Variants in SI observed in about 807,000 individuals in gnomAD.
SI encodes sucrase-isomaltase, intestinal.
In SI, 235 loss-of-function variants were observed where a neutral mutation model predicts 253.3. The ratio of observed to expected loss-of-function variants is 0.93; its 90% confidence interval spans 0.83 to 1.03. The LOEUF (loss-of-function observed/expected upper bound fraction) is 1.03, where lower values mean the gene tolerates loss of function less well. Ranked by LOEUF, SI falls within the 50% of genes least tolerant of loss-of-function variation. SI has a pLI of 0.00. For synonymous variants in SI, 819 were observed against 712.0 expected (o/e 1.15, Z -2.39); for missense variants, 2,442 against 2,211.1 (o/e 1.10, Z -2.09).
chr3:165,056,537 A>G lies in SI; in HGVS notation c.1399-1230T>C, dbSNP rs1373083201. On this transcript the variant is annotated intron_variant, in intron 12 of 47. Coordinates refer to ENST00000264382, the MANE Select transcript of SI (RefSeq NM_001041.4). Reference sequence around the variant, plus strand: ...TAGGAAAGAGAGTCTTGGATTGCATACACCACCCCTCTCACATTCCCCAAC... The same window carrying G: ...TAGGAAAGAGAGTCTTGGATTGCATGCACCACCCCTCTCACATTCCCCAAC... Among the ~76,000 whole-genome samples the G allele has an allele frequency of 2.0e-5, 3 of 152,130 alleles. No individual in the cohort carries two copies. In the East Asian group the frequency reaches 5.8e-4, roughly 29 times the overall value.
At chr3:164,987,706 A>AG (rs926141383) in intron 44 of SI, among the ~76,000 whole-genome samples, 3 of 136,724 alleles carry the variant, frequency 2.2e-5, no homozygotes, top group African/African-American at 1.1e-4. Context: ...AGACTCCATC[A>AG]AAAAAAAAAT....
At position 165,037,968 on chromosome 3, in the gene SI, T is replaced by C. The variant is rs1259810543; in HGVS notation, c.2358A>G (p.Lys786=). The change falls in exon 21 of 48, where the codon AAA becomes AAG. Residue 786 remains lysine (K), a synonymous_variant. Coordinates refer to ENST00000264382, the MANE Select transcript of SI (RefSeq NM_001041.4). ...AACCTCCTCTAAGATGTAATCCTAT[T>C]TTGTCTGCTGGAAGATACATATCAA... ...QRVDMYLPAD[K]IGLHLRGGYI... is the part of the protein sequence containing the mutation. The C allele has an allele frequency of 1.2e-6, 2 of 1,611,716 alleles. No homozygotes were observed. The highest frequency in any genetic ancestry group is 2.2e-5 in the East Asian group (1 of 44,622).
intron 44 of SI, among the ~76,000 whole-genome samples, chr3:164,990,356 C>T (rs894295990): frequency 6.6e-6 from 1 of 151,920 alleles, no homozygotes. Flanking sequence ...GGCAGCCATT[C>T]AAAATATAAG....
chr3:165,069,992 A>T (rs529903961), intron 3 of SI, among the ~76,000 whole-genome samples: 1 of 149,796 alleles, frequency 6.7e-6, no homozygotes, highest in East Asian at 2.0e-4. Context: ...AATCAGCTGA[A>T]AGTGTGCACT....
In SI at chr3:164,992,161, T is replaced by C; in HGVS notation, c.4983+16A>G. ...TTTCTGTTTAGTTAATTCCCCAGAA[T>C]TCCTTAAATACTTACTGTATGGTAG... On this transcript the variant is annotated intron_variant, in intron 43 of 47. Coordinates refer to ENST00000264382, the MANE Select transcript of SI (RefSeq NM_001041.4). 1.2e-6 allele frequency: 2 copies of C among 1,602,266 alleles called. No individual in the cohort carries two copies. The highest frequency in any genetic ancestry group is 1.7e-6 in the Non-Finnish European group (2 of 1,171,082).
At chr3:164,988,617 G>C (rs780553389) in intron 44 of SI, among the ~76,000 whole-genome samples, 6 of 152,140 alleles carry the variant, frequency 3.9e-5, no homozygotes, top group Non-Finnish European at 8.8e-5. Context: ...GGGTCCAGTA[G>C]ATTAGAAGAT....
chr3:165,024,872 T>C (rs1002475528), intron 25 of SI, among the ~76,000 whole-genome samples: 3 of 151,274 alleles, frequency 2.0e-5, no homozygotes, highest in African/African-American at 7.3e-5. Flanking sequence ...ACTAGGCTTT[T>C]ATCCCTAGTA....
the SI span, among the ~76,000 whole-genome samples, chr3:165,088,271 A>C: frequency 1.9e-4 from 29 of 152,222 alleles, no homozygotes; most frequent in South Asian, 1.2e-3. Flanking sequence ...CATTGAACTC[A>C]GGAGGCTAAG....
At chr3:165,009,558 A>G (rs1718675721) in intron 34 of SI, among the ~76,000 whole-genome samples, 163 bp from the exon 35 acceptor site, 1 of 151,724 alleles carries the variant, frequency 6.6e-6, no homozygotes, top group African/African-American at 2.4e-5. Flanking sequence ...CTTCCTCAAC[A>G]CTTCAATAGA....
intron 23 of SI, 143 bp downstream of exon 23, chr3:165,033,252 T>A (rs961440103): frequency 5.1e-6 from 3 of 593,488 alleles, no homozygotes; most frequent in Admixed American, 8.7e-5. Flanking sequence ...AATATAACAA[T>A]TTAATTGAAC....
rs781616268 is a variant in SI, at chr3:165,023,744, G to A, written c.2925C>T (p.Tyr975=). ...AATAAGAGTTATCTTGTCTGGGAAA[G>A]TAACACTCAGGTGCTTTGGATAGAG... ...GSSLSKAPEC[Y]FPRQDNSYSV... is the part of the protein sequence containing the mutation. The change falls in exon 26 of 48, where the codon TAC becomes TAT. Residue 975 remains tyrosine, a synonymous_variant. Transcript: ENST00000264382. 1.9e-6 allele frequency: 3 copies of A among 1,610,438 alleles called. No individual in the cohort carries two copies. Among genetic ancestry groups the A allele is most frequent in the African/African-American group, 1.3e-5 (1 of 74,758 alleles).
intron 1 of SI, among the ~76,000 whole-genome samples, chr3:165,076,977 TG>T (rs1476861713): frequency 0.015 from 2,276 of 148,056 alleles, 39 homozygotes; most frequent in Non-Finnish European, 0.02. Context: ...AATCACGGTT[TG>T]TTTTTTTTTT....
intron 44 of SI, among the ~76,000 whole-genome samples, chr3:164,989,568 G>A (rs1481028779): frequency 6.6e-6 from 1 of 152,038 alleles, no homozygotes; most frequent in African/African-American, 2.4e-5. Flanking sequence ...TGATGGAGTA[G>A]TGATACTGCC....
chr3:165,017,678 A>C lies in SI; in HGVS notation c.3634-5T>G, dbSNP rs943010467. On this transcript the variant is annotated splice_region_variant and splice_polypyrimidine_tract_variant and intron_variant, in intron 30 of 47. Transcript: ENST00000264382. ...CATGACTGGATGGCCAATTACCTTT[A>C]AAAAAAATTCATGTGTGAACTAAGA... 3.7e-6 allele frequency: 6 copies of C among 1,610,336 alleles called. No individual in the cohort carries two copies. Among genetic ancestry groups the C allele is most frequent in the Non-Finnish European group, 5.1e-6 (6 of 1,177,172 alleles).
intron 38 of SI, among the ~76,000 whole-genome samples, chr3:164,997,151 C>T (rs73877372): frequency 0.23 from 35,505 of 151,344 alleles, 6,876 homozygotes; most frequent in African/African-American, 0.54. Flanking sequence ...ATAGGTTCAA[C>T]TGGTTTCAGT....
chr3:165,090,188 C>A, the SI span, among the ~76,000 whole-genome samples: 2 of 151,222 alleles, frequency 1.3e-5, no homozygotes, highest in Non-Finnish European at 2.9e-5. Context: ...AGAACCCCCC[C>A]GCATTGTCTC....
intron 16 of SI, among the ~76,000 whole-genome samples, chr3:165,044,452 C>T (rs1487225087): frequency 1.3e-5 from 2 of 151,934 alleles, no homozygotes; most frequent in African/African-American, 4.8e-5. Flanking sequence ...CAAATTTTAT[C>T]ACCTTTCTTC....
intron 41 of SI, 123 bp from the exon 42 acceptor site, chr3:164,992,520 T>A (rs1717801439): frequency 1.0e-5 from 7 of 690,902 alleles, no homozygotes; most frequent in Non-Finnish European, 1.7e-5. Flanking sequence ...AAAACAAAAC[T>A]GTAAAAAAAT....
At position 165,067,501 on chromosome 3, in the gene SI, T is replaced by C; in HGVS notation, c.484-10A>G. 4 of 1,602,046 alleles carry C rather than the reference T, an allele frequency of 2.5e-6. No individual in the cohort carries two copies. The highest frequency in any genetic ancestry group is 2.2e-5 in the East Asian group (1 of 44,656). ...TATTTGGATCAGTAATCTGGAAAGA[T>C]TTAAGCAAGGTAGCATTACTGGATT... is the stretch of plus-strand genomic sequence containing the variant. On this transcript the variant is annotated splice_polypyrimidine_tract_variant and intron_variant, in intron 5 of 47. Coordinates refer to ENST00000264382, the MANE Select transcript of SI (RefSeq NM_001041.4).
Sources: gnomAD v4.1 joint callset for allele counts (sites outside exome capture counted in the v4.1 genomes callset) on GRCh38, gnomAD v4.1.1 for gene constraint, MANE v1.5 for transcripts, NCBI Gene and HGNC (gene_info 2026-07-23, HGNC 2026-07-21) for gene names.